The following DPH6 variants were observed in gnomAD, a reference collection of about 807,000 sequenced individuals.
The protein encoded by DPH6 is diphthine--ammonia ligase.
In DPH6, 33 loss-of-function variants were observed where a neutral mutation model predicts 38.2. That is an observed-to-expected ratio of 0.86 (90% confidence interval 0.65 to 1.15). DPH6 has a LOEUF of 1.15. Ranked by LOEUF, DPH6 falls within the 50% of genes most tolerant of loss-of-function variation. The pLI is 0.00. For missense variants in DPH6, 325 were observed against 320.0 expected (o/e 1.02, Z -0.12); for synonymous variants, 108 against 103.0 (o/e 1.05, Z -0.30).
intron 3 of DPH6, among the ~76,000 whole-genome samples, chr15:35,517,585 A>G (rs992046324): frequency 7.2e-5 from 11 of 152,068 alleles, no homozygotes; most frequent in Admixed American, 1.3e-4. Flanking sequence ...TCAGCTTAAA[A>G]CATTGGTTCC....
At chr15:35,523,249 T>C (rs1200821221) in intron 3 of DPH6, among the ~76,000 whole-genome samples, 1 of 150,570 alleles carries the variant, frequency 6.6e-6, no homozygotes, top group Non-Finnish European at 1.5e-5. Flanking sequence ...TCTTTTTTTT[T>C]TTTTTTTTTT....
intron 3 of DPH6, among the ~76,000 whole-genome samples, chr15:35,364,011 T>C (rs986088390): frequency 2.6e-5 from 4 of 152,068 alleles, no homozygotes; most frequent in African/African-American, 9.7e-5. Flanking sequence ...ATATAGTTAA[T>C]ATCTGCTTAT....
chr15:35,370,141 T>C (rs1014333717), downstream of DPH6, among the ~76,000 whole-genome samples: 1 of 151,712 alleles, frequency 6.6e-6, no homozygotes, highest in Admixed American at 6.6e-5. Flanking sequence ...ACTGAATAAC[T>C]ACATTTTTAA....
At chr15:35,486,052 G>T (rs1221881996) in intron 3 of DPH6, among the ~76,000 whole-genome samples, 1 of 152,204 alleles carries the variant, frequency 6.6e-6, no homozygotes, top group Non-Finnish European at 1.5e-5. Context: ...CTGAGACTTG[G>T]TAATTTATAA....
intron 3 of DPH6, among the ~76,000 whole-genome samples, chr15:35,264,700 C>T (rs117763007): frequency 0.02 from 2,979 of 152,258 alleles, 41 homozygotes; most frequent in Admixed American, 0.029. Context: ...ACAAAGCATA[C>T]CACGCATGTT....
intron 3 of DPH6, chr15:35,282,944 G>T: frequency 3.0e-6 from 1 of 337,516 alleles, no homozygotes; most frequent in Non-Finnish European, 6.1e-6. Context: ...TTGCACCAAT[G>T]ACATGTTCAG....
chr15:35,487,908 A>G (rs1279000648), intron 3 of DPH6, among the ~76,000 whole-genome samples: 1 of 152,186 alleles, frequency 6.6e-6, no homozygotes, highest in African/African-American at 2.4e-5. Flanking sequence ...ACAATTTTAG[A>G]AACAGCCAGG....
At chr15:35,459,491 G>A (rs1286190806) in intron 3 of DPH6, among the ~76,000 whole-genome samples, 1 of 152,070 alleles carries the variant, frequency 6.6e-6, no homozygotes, top group African/African-American at 2.4e-5. Context: ...ATTTGGGTTG[G>A]GGGGCATAAT....
intron 3 of DPH6, among the ~76,000 whole-genome samples, chr15:35,359,659 T>C (rs1228264918): frequency 6.6e-6 from 1 of 152,130 alleles, no homozygotes; most frequent in East Asian, 1.9e-4. Context: ...AGTGGGTGCA[T>C]GTTTGGGAGA....
intron 6 of DPH6, among the ~76,000 whole-genome samples, chr15:35,397,868 T>TACACAC (rs57530358): frequency 3.3e-4 from 29 of 87,298 alleles, no homozygotes; most frequent in South Asian, 1.5e-3. Flanking sequence ...TTTATATATA[T>TACACAC]ACACACACAC....
intron 3 of DPH6, among the ~76,000 whole-genome samples, chr15:35,514,167 TAACTATGTAAATAAAATCTTAC>T (rs141357366): frequency 0.11 from 16,849 of 152,074 alleles, 1,443 homozygotes; most frequent in African/African-American, 0.24. Context: ...TGGCACCTTA[TAACTATGTAAATAAAATCTTAC>T]AACTATGTAG....
intron 3 of DPH6, among the ~76,000 whole-genome samples, chr15:35,512,776 G>A (rs550789919): frequency 6.6e-6 from 1 of 152,052 alleles, no homozygotes; most frequent in African/African-American, 2.4e-5. Context: ...TCAGAAGCAG[G>A]TGTATTATTT....
intron 5 of DPH6, among the ~76,000 whole-genome samples, chr15:35,432,784 A>G (rs2053648473): frequency 6.6e-6 from 1 of 152,188 alleles, no homozygotes; most frequent in African/African-American, 2.4e-5. Flanking sequence ...AAGAAAATAA[A>G]GGGTTCAATA....
At chr15:35,166,173 A>C in the DPH6 span, among the ~76,000 whole-genome samples, 1 of 151,892 alleles carries the variant, frequency 6.6e-6, no homozygotes, top group Non-Finnish European at 1.5e-5. Flanking sequence ...TAAGCCTCTC[A>C]TGTGGGAGGT....
At chr15:35,424,156 T>G (rs2053540542) in intron 5 of DPH6, among the ~76,000 whole-genome samples, 1 of 151,688 alleles carries the variant, frequency 6.6e-6, no homozygotes. Flanking sequence ...TGGGGTAATA[T>G]GAACATTTTA....
intron 3 of DPH6, among the ~76,000 whole-genome samples, chr15:35,229,393 A>C (rs1161981121): frequency 3.3e-5 from 5 of 151,994 alleles, no homozygotes; most frequent in Non-Finnish European, 7.4e-5. Context: ...GATTCTTTTA[A>C]ATTATTTCAA....
rs150217838 is a variant in DPH6 at position 35,402,922 on chromosome 15, T to C, written c.567+7913A>G. Among the ~76,000 whole-genome samples the C allele has an allele frequency of 2.0e-5, 3 of 152,202 alleles. No homozygotes were observed. The East Asian group carries it at 5.8e-4, about 29-fold the overall frequency. ...TCTTATATAATTATTTCATTATGCA[T>C]ATATCATAAGTAAATAATGATACCT... is the stretch of plus-strand genomic sequence containing the variant. On this transcript the variant is annotated intron_variant, in intron 6 of 8. Coordinates refer to ENST00000256538, the MANE Select transcript of DPH6 (RefSeq NM_080650.4).
the DPH6 span, among the ~76,000 whole-genome samples, chr15:35,163,282 A>T: frequency 1.3e-5 from 2 of 151,740 alleles, no homozygotes; most frequent in Non-Finnish European, 2.9e-5. Context: ...ACTGCCATTT[A>T]TCTTTCCCCC....
chr15:35,374,099 T>G lies in DPH6; in HGVS notation c.663-491A>C, dbSNP rs368096759. On this transcript the variant is annotated intron_variant, in intron 7 of 8. Coordinates refer to ENST00000256538, the MANE Select transcript of DPH6 (RefSeq NM_080650.4). ...CTTCACACTGCAGTATCATTGCTATTAAAATTGATTGTCTGACATAGTAAT... is the reference window on the plus strand; with the variant it reads ...CTTCACACTGCAGTATCATTGCTATGAAAATTGATTGTCTGACATAGTAAT... Among the ~76,000 whole-genome samples, 4 of 152,054 alleles carry G rather than the reference T, an allele frequency of 2.6e-5. No individual in the cohort carries two copies. The South Asian group carries it at 8.3e-4, about 31-fold the overall frequency.
Sources: gnomAD v4.1 joint callset for allele counts (sites outside exome capture counted in the v4.1 genomes callset) on GRCh38, gnomAD v4.1.1 for gene constraint, MANE v1.5 for transcripts, NCBI Gene and HGNC (gene_info 2026-07-23, HGNC 2026-07-21) for gene names.